Variants in TRAK1 observed in about 807,000 individuals in gnomAD.
TRAK1 encodes trafficking kinesin-binding protein 1.
A neutral mutation model predicts 92.1 loss-of-function variants in TRAK1; 33 were observed. That is an observed-to-expected ratio of 0.36 (90% CI 0.27 to 0.48). The LOEUF is 0.48. Among genes scored for constraint, TRAK1 ranks in the 20% least tolerant of loss-of-function variants. The probability of loss-of-function intolerance (pLI) is 0.99; values close to 1 mark genes in which losing one functional copy is unlikely to be tolerated. For synonymous variants in TRAK1, 521 were observed against 517.3 expected (o/e 1.01, Z -0.10); for missense variants, 1,123 against 1,257.9 (o/e 0.89, Z 1.62).
intron 14 of TRAK1, among the ~76,000 whole-genome samples, chr3:42,213,595 T>G (rs1243168809): frequency 1.3e-5 from 2 of 152,290 alleles, no homozygotes; most frequent in African/African-American, 4.8e-5. Flanking sequence ...GCCAGCTGGG[T>G]GTTCCTGCAG....
chr3:42,075,196 C>T (rs2148942945), intron 1 of TRAK1, among the ~76,000 whole-genome samples: 1 of 151,856 alleles, frequency 6.6e-6, no homozygotes, highest in East Asian at 1.9e-4. Context: ...TGAGGTCTGG[C>T]TGGGTGTGGT....
At chr3:42,179,880 C>T (rs550603992) in intron 3 of TRAK1, among the ~76,000 whole-genome samples, 2 of 152,046 alleles carry the variant, frequency 1.3e-5, no homozygotes, top group Non-Finnish European at 2.9e-5. Context: ...TGGCCATCTT[C>T]TAGCTGTTTT....
chr3:42,152,988 T>A (rs1700116849), intron 2 of TRAK1, among the ~76,000 whole-genome samples: 1 of 152,154 alleles, frequency 6.6e-6, no homozygotes, highest in Admixed American at 6.5e-5. Flanking sequence ...TTGGAACCTT[T>A]ATGGAGTGTA....
At chr3:42,111,533 C>T (rs946875839) in intron 1 of TRAK1, among the ~76,000 whole-genome samples, 1 of 151,944 alleles carries the variant, frequency 6.6e-6, no homozygotes, top group Non-Finnish European at 1.5e-5. Flanking sequence ...GTAGCTGGGA[C>T]TACAGGCGCC....
chr3:42,056,277 C>G (rs1165299530), intron 1 of TRAK1, among the ~76,000 whole-genome samples: 1 of 152,164 alleles, frequency 6.6e-6, no homozygotes, highest in Non-Finnish European at 1.5e-5. Flanking sequence ...TCCAAAGTGG[C>G]TGCGCTATTT....
At chr3:42,165,340 T>TG (rs1701729930) in intron 2 of TRAK1, among the ~76,000 whole-genome samples, 1 of 151,968 alleles carries the variant, frequency 6.6e-6, no homozygotes, top group South Asian at 2.1e-4. Context: ...GAAAAACGGG[T>TG]GAAAAAAATG....
intron 2 of TRAK1, among the ~76,000 whole-genome samples, chr3:42,152,207 C>T (rs1016515916): frequency 3.3e-5 from 5 of 152,156 alleles, no homozygotes; most frequent in African/African-American, 1.2e-4. Context: ...GTCCTGCTCC[C>T]CCGCCCCCAG....
chr3:42,213,657 C>G (rs1216507304), intron 14 of TRAK1, among the ~76,000 whole-genome samples: 1 of 152,198 alleles, frequency 6.6e-6, no homozygotes, highest in Non-Finnish European at 1.5e-5. Flanking sequence ...TGTATCCTGT[C>G]CCCTCTTCAG....
At chr3:42,111,723 A>G (rs1013730673) in intron 1 of TRAK1, among the ~76,000 whole-genome samples, 7 of 152,072 alleles carry the variant, frequency 4.6e-5, no homozygotes, top group Admixed American at 2.0e-4. Context: ...CTAAATTCAA[A>G]ATGCATCTAT....
At chr3:42,195,760 T>C (rs1706520811) in intron 10 of TRAK1, among the ~76,000 whole-genome samples, 1 of 152,178 alleles carries the variant, frequency 6.6e-6, no homozygotes, top group Non-Finnish European at 1.5e-5. Context: ...AAGAAAGACA[T>C]ATAACATAGT....
intron 1 of TRAK1, among the ~76,000 whole-genome samples, chr3:42,032,568 T>A (rs1055201618): frequency 3.3e-5 from 5 of 151,948 alleles, no homozygotes; most frequent in African/African-American, 1.2e-4. Context: ...TAAATAAATA[T>A]CAAACAAATT....
intron 2 of TRAK1, among the ~76,000 whole-genome samples, 163 bp downstream of exon 2, chr3:42,125,777 C>T (rs1286530929): frequency 6.6e-6 from 1 of 152,162 alleles, no homozygotes; most frequent in Non-Finnish European, 1.5e-5. Context: ...CACAAAAGGT[C>T]CCAATTTTAA....
intron 14 of TRAK1, among the ~76,000 whole-genome samples, chr3:42,215,857 A>G (rs1012937352): frequency 6.6e-5 from 10 of 152,192 alleles, no homozygotes; most frequent in Non-Finnish European, 7.4e-5. Flanking sequence ...CTGGGTGTAT[A>G]TTGCACCCTC....
At chr3:42,147,874 C>T (rs1165703314) in intron 2 of TRAK1, among the ~76,000 whole-genome samples, 1 of 152,186 alleles carries the variant, frequency 6.6e-6, no homozygotes, top group East Asian at 1.9e-4. Flanking sequence ...GTTACAGGCT[C>T]TTCAGCTTCC....
At chr3:42,178,240 T>G (rs2149368301) in intron 3 of TRAK1, among the ~76,000 whole-genome samples, 1 of 152,180 alleles carries the variant, frequency 6.6e-6, no homozygotes, top group Middle Eastern at 3.4e-3. Context: ...AGATTGTAGC[T>G]TCTCTCTGCT....
intron 1 of TRAK1, among the ~76,000 whole-genome samples, chr3:42,114,093 T>C (rs1460847868): frequency 6.6e-6 from 1 of 152,250 alleles, no homozygotes; most frequent in Non-Finnish European, 1.5e-5. Flanking sequence ...ATGTGGTCTT[T>C]TGAGGCCGGC....
Position 42,223,502 on chromosome 3 carries a change from G to A in TRAK1, c.2627G>A (p.Gly876Glu), listed in dbSNP as rs1710553022. 10 of 1,613,610 alleles carry A rather than the reference G, an allele frequency of 6.2e-6. No homozygotes were observed. The highest frequency in any genetic ancestry group is 8.5e-6 in the Non-Finnish European group (10 of 1,179,928). The change falls in exon 16 of 16, where the codon GGG (glycine) becomes GAG (glutamate). Residue 876 changes from glycine (G) to glutamate (E), a missense_variant. Transcript: ENST00000327628. This position sits in a 1 kb window ranked among gnomAD's most constrained non-coding sequence, Gnocchi z 6.1. ...LTEEQGPLLCGPPGPAPALVP... is the reference protein window; with the variant it reads ...LTEEQGPLLCEPPGPAPALVP... ...GAGGAGCAGGGACCCCTCCTCTGTG[G>A]GCCCCCGGGGCCAGCACCAGCCCTT...
At chr3:42,030,447 T>C (rs1329105083) in intron 1 of TRAK1, among the ~76,000 whole-genome samples, 1 of 149,250 alleles carries the variant, frequency 6.7e-6, no homozygotes, top group African/African-American at 2.5e-5. Context: ...CCGAGGTGGG[T>C]GGATCACTTG....
Position 42,189,005 on chromosome 3 carries a change from T to TTC in TRAK1, c.582-8_582-7dup. 6.2e-7 allele frequency: 1 copy of TTC among 1,601,658 alleles called. No individual in the cohort carries two copies. Among genetic ancestry groups the TTC allele is most frequent in the Non-Finnish European group, 8.6e-7 (1 of 1,168,636 alleles). ...CGTCTCCCTAGGTTGTGAGCGTACTTTCTCCCCCAGGTTGAAGAGGAATGA... is the reference window on the plus strand; with the variant it reads ...CGTCTCCCTAGGTTGTGAGCGTACTTTCTCTCCCCCAGGTTGAAGAGGAATGA... On this transcript the variant is annotated splice_polypyrimidine_tract_variant and intron_variant, in intron 5 of 15. Transcript: ENST00000327628.
Sources: gnomAD v4.1 joint callset for allele counts (sites outside exome capture counted in the v4.1 genomes callset) on GRCh38, gnomAD v4.1.1 for gene constraint, Gnocchi (gnomAD v3.1) non-coding constraint, MANE v1.5 for transcripts, NCBI Gene and HGNC (gene_info 2026-07-23, HGNC 2026-07-21) for gene names.